The following NLGN1 variants were observed in gnomAD, a reference collection of about 807,000 sequenced individuals.
NLGN1 encodes the protein neuroligin 1.
NLGN1 carries 12 observed loss-of-function variants against 65.5 expected under a neutral mutation model. That is an observed-to-expected ratio of 0.18 (90% CI 0.12 to 0.30). The LOEUF is 0.30. NLGN1 is among the 10% of genes least tolerant of loss of function. The pLI, the probability that NLGN1 is intolerant of heterozygous loss-of-function variation, is 1.00. For synonymous variants in NLGN1, 350 were observed against 359.5 expected, an observed-to-expected ratio of 0.97 and a Z score of 0.30; for missense variants, 750 against 1,007.1, an observed-to-expected ratio of 0.74 and a Z score of 3.46.
At chr3:173,950,905 T>C (rs1748080304) in intron 4 of NLGN1, among the ~76,000 whole-genome samples, 1 of 152,144 alleles carries the variant, frequency 6.6e-6, no homozygotes, top group Non-Finnish European at 1.5e-5. Context: ...CTTGCTCTGT[T>C]GCCCAGGCTA....
intron 4 of NLGN1, among the ~76,000 whole-genome samples, chr3:174,091,297 T>C (rs1744475019): frequency 6.6e-6 from 1 of 152,228 alleles, no homozygotes; most frequent in Non-Finnish European, 1.5e-5. Flanking sequence ...CTATATTTAT[T>C]CAAAAATTAT....
chr3:173,504,895 G>A (rs373731219), intron 2 of NLGN1, among the ~76,000 whole-genome samples: 3 of 151,880 alleles, frequency 2.0e-5, no homozygotes, highest in South Asian at 2.1e-4. Flanking sequence ...TCCTCAAGAC[G>A]AAAAACTCCT....
At chr3:174,107,541 A>G (rs951829850) in intron 4 of NLGN1, among the ~76,000 whole-genome samples, 3 of 152,172 alleles carry the variant, frequency 2.0e-5, no homozygotes, top group African/African-American at 7.2e-5. Context: ...TCACCCACTG[A>G]AGGACATTTA....
chr3:174,122,897 T>A (rs1718079078), intron 4 of NLGN1, among the ~76,000 whole-genome samples: 1 of 151,928 alleles, frequency 6.6e-6, no homozygotes, highest in African/African-American at 2.4e-5. Flanking sequence ...TGCTATTTGT[T>A]AATAAAAATA....
At chr3:173,552,129 G>T (rs1349230475) in intron 2 of NLGN1, among the ~76,000 whole-genome samples, 1 of 152,110 alleles carries the variant, frequency 6.6e-6, no homozygotes, top group Admixed American at 6.5e-5. Context: ...GAAAATTTCT[G>T]CAGTATGTGA....
At chr3:174,286,979 G>C (rs1417865906), downstream of NLGN1, among the ~76,000 whole-genome samples, 1 of 151,436 alleles carries the variant, frequency 6.6e-6, no homozygotes, top group East Asian at 1.9e-4. Context: ...ATGACTTTTT[G>C]CATCCAAATA....
At chr3:174,129,103 A>G (rs755233921) in intron 4 of NLGN1, among the ~76,000 whole-genome samples, 1 of 152,052 alleles carries the variant, frequency 6.6e-6, no homozygotes, top group Non-Finnish European at 1.5e-5. Context: ...TAACACAAGC[A>G]GATAAGTAGC....
At chr3:173,737,445 C>T (rs1256805010) in intron 3 of NLGN1, among the ~76,000 whole-genome samples, 1 of 152,020 alleles carries the variant, frequency 6.6e-6, no homozygotes, top group African/African-American at 2.4e-5. Flanking sequence ...CCCCTCACCT[C>T]TAGACAACCA....
chr3:174,065,090 C>A (rs2152524144), intron 4 of NLGN1, among the ~76,000 whole-genome samples: 1 of 151,862 alleles, frequency 6.6e-6, no homozygotes, highest in Admixed American at 6.6e-5. Context: ...AAGAGATACA[C>A]TTTTTATTTT....
At chr3:173,943,548 C>T (rs1746541565) in intron 4 of NLGN1, among the ~76,000 whole-genome samples, 2 of 152,070 alleles carry the variant, frequency 1.3e-5, no homozygotes, top group African/African-American at 4.8e-5. Flanking sequence ...GAGTCTGGTC[C>T]CCTTGAATTG....
intron 4 of NLGN1, among the ~76,000 whole-genome samples, chr3:174,250,586 A>G (rs1744587838): frequency 6.6e-6 from 1 of 152,180 alleles, no homozygotes; most frequent in African/African-American, 2.4e-5. Context: ...TGAGGTCTGG[A>G]AAAGGAAGAA....
chr3:173,603,556 T>C (rs1414658195), intron 2 of NLGN1, among the ~76,000 whole-genome samples: 1 of 152,118 alleles, frequency 6.6e-6, no homozygotes, highest in East Asian at 1.9e-4. Flanking sequence ...TATAGCAAGA[T>C]GGTAAAATAA....
chr3:173,514,525 A>G (rs1420983095), intron 2 of NLGN1, among the ~76,000 whole-genome samples: 1 of 152,128 alleles, frequency 6.6e-6, no homozygotes, highest in Non-Finnish European at 1.5e-5. Flanking sequence ...ACTTAGCATC[A>G]GATCTACCCT....
At chr3:173,710,724 T>G (rs952614182) in intron 3 of NLGN1, among the ~76,000 whole-genome samples, 8 of 152,154 alleles carry the variant, frequency 5.3e-5, no homozygotes, top group African/African-American at 1.7e-4. Flanking sequence ...ATAAAGTTCC[T>G]TTTTACCTGG....
intron 1 of NLGN1, among the ~76,000 whole-genome samples, chr3:173,426,689 A>G (rs551406049): frequency 4.6e-5 from 7 of 152,098 alleles, no homozygotes; most frequent in African/African-American, 1.7e-4. Context: ...CTTGATCATG[A>G]TGAATAATCT....
At chr3:174,255,727 C>T (rs1225769692) in intron 4 of NLGN1, among the ~76,000 whole-genome samples, 1 of 150,576 alleles carries the variant, frequency 6.6e-6, no homozygotes, top group Non-Finnish European at 1.5e-5. Context: ...AGTGTGATCT[C>T]GGCTTAGTGC....
chr3:174,190,398 G>A (rs573588987), intron 4 of NLGN1, among the ~76,000 whole-genome samples: 4 of 152,044 alleles, frequency 2.6e-5, no homozygotes, highest in Admixed American at 6.6e-5. Context: ...GGTGCCTGGA[G>A]AAGTACATTT....
intron 4 of NLGN1, among the ~76,000 whole-genome samples, chr3:174,172,960 A>G (rs1265419660): frequency 2.0e-5 from 3 of 152,124 alleles, no homozygotes; most frequent in African/African-American, 7.2e-5. Context: ...CATAGAATAT[A>G]TTTCCATATT....
chr3:173,575,570 C>G (rs1384115724), intron 2 of NLGN1, among the ~76,000 whole-genome samples: 1 of 152,130 alleles, frequency 6.6e-6, no homozygotes, highest in Non-Finnish European at 1.5e-5. Context: ...AATAGTTTTG[C>G]TTTTCTCTTG....
Sources: gnomAD v4.1 joint callset for allele counts (sites outside exome capture counted in the v4.1 genomes callset) on GRCh38, gnomAD v4.1.1 for gene constraint, MANE v1.5 for transcripts, NCBI Gene and HGNC (gene_info 2026-07-23, HGNC 2026-07-21) for gene names.